The following FBXO15 variants were observed in gnomAD, a reference collection of about 807,000 sequenced individuals.
The protein encoded by FBXO15 is F-box only protein 15.
In FBXO15, 30 loss-of-function variants were observed where a neutral mutation model predicts 49.5. That is an observed-to-expected ratio of 0.61 (90% CI 0.45 to 0.82). The LOEUF (loss-of-function observed/expected upper bound fraction) is 0.82, where lower values mean the gene tolerates loss of function less well. FBXO15 is among the 40% of genes least tolerant of loss of function. FBXO15 has a pLI of 0.00. For synonymous variants in FBXO15, 250 were observed against 232.7 expected (o/e 1.07, Z -0.68); for missense variants, 591 against 631.5 (o/e 0.94, Z 0.69).
chr18:74,135,935 A>G (rs1978690929), intron 2 of FBXO15, 69 bp from the exon 3 acceptor site: 1 of 1,271,706 alleles, frequency 7.9e-7, no homozygotes. Flanking sequence ...GATTACCCAG[A>G]AAACAACTGG....
intron 8 of FBXO15, among the ~76,000 whole-genome samples, chr18:74,105,781 A>G (rs1913730772): frequency 6.6e-6 from 1 of 152,164 alleles, no homozygotes; most frequent in African/African-American, 2.4e-5. Flanking sequence ...TGTGTGAAGC[A>G]TAATAAAACA....
At chr18:74,080,656 C>T (rs1416212820) in intron 9 of FBXO15, among the ~76,000 whole-genome samples, 2 of 152,226 alleles carry the variant, frequency 1.3e-5, no homozygotes, top group Non-Finnish European at 2.9e-5. Flanking sequence ...AGTGCATCTG[C>T]TGCTAAGATG....
chr18:74,088,664 T>G (rs1912863141), intron 8 of FBXO15, among the ~76,000 whole-genome samples: 1 of 152,246 alleles, frequency 6.6e-6, no homozygotes, highest in African/African-American at 2.4e-5. Flanking sequence ...TCTTTTTGCT[T>G]AGGATTGCCT....
intron 8 of FBXO15, among the ~76,000 whole-genome samples, chr18:74,094,263 C>T (rs1913182157): frequency 6.6e-6 from 1 of 152,166 alleles, no homozygotes; most frequent in Non-Finnish European, 1.5e-5. Flanking sequence ...CTCATGAATG[C>T]TTTAGTGCCA....
intron 1 of FBXO15, among the ~76,000 whole-genome samples, chr18:74,144,100 T>C (rs1979255678): frequency 6.6e-6 from 1 of 152,248 alleles, no homozygotes; most frequent in Non-Finnish European, 1.5e-5. Context: ...CAGTATATAC[T>C]ACTAGGTTGG....
rs1339774997 is a variant in FBXO15, at chr18:74,124,665, G to C, written c.913-94C>G. The C allele has an allele frequency of 6.7e-6, 7 of 1,038,130 alleles. No individual in the cohort carries two copies. In the African/African-American group the frequency reaches 9.4e-5, roughly 14 times the overall value. The allele number at this position is 1,038,130 out of a possible 1,614,324, so 64.3% of individuals were successfully genotyped here. On this transcript the variant is annotated intron_variant, in intron 6 of 9. Coordinates refer to ENST00000419743, the MANE Select transcript of FBXO15 (RefSeq NM_001142958.2). ...AAGATCACAGCACATTCATCTTGCA[G>C]ATAGAGGCACTTTCTTACAAACATA...
chr18:74,145,817 C>G (rs1979378305), intron 1 of FBXO15, among the ~76,000 whole-genome samples: 1 of 152,078 alleles, frequency 6.6e-6, no homozygotes, highest in African/African-American at 2.4e-5. Flanking sequence ...CCAGGATGGT[C>G]TCGATCTCCT....
chr18:74,089,497 T>A (rs1912918841), intron 8 of FBXO15, among the ~76,000 whole-genome samples: 1 of 152,182 alleles, frequency 6.6e-6, no homozygotes, highest in African/African-American at 2.4e-5. Context: ...ATCCTTGTCT[T>A]GTTCCAGTTT....
intron 4 of FBXO15, 122 bp downstream of exon 4, chr18:74,130,294 T>C (rs1203314763): frequency 9.0e-6 from 12 of 1,330,506 alleles, no homozygotes; most frequent in South Asian, 1.6e-5. Context: ...ACATATTTTA[T>C]AGATGCACAA....
chr18:74,125,581 C>T (rs1249060053), intron 6 of FBXO15, among the ~76,000 whole-genome samples: 5 of 152,048 alleles, frequency 3.3e-5, no homozygotes, highest in East Asian at 1.9e-4. Flanking sequence ...GGGAGACAAG[C>T]GTGCTGAACA....
rs769282931 is a variant in FBXO15, at chr18:74,130,497, G to C, written c.494C>G (p.Ser165Cys). 2 of 1,614,196 alleles carry C rather than the reference G, an allele frequency of 1.2e-6. No individual in the cohort carries two copies. The highest frequency in any genetic ancestry group is 8.5e-7 in the Non-Finnish European group (1 of 1,180,024). The change falls in exon 4 of 10, where the codon TCT becomes TGT. Residue 165 changes from serine to cysteine, a missense_variant. Ser to Cys is a moderately radical substitution (Grantham distance 112, BLOSUM62 -1). Coordinates refer to ENST00000419743, the MANE Select transcript of FBXO15 (RefSeq NM_001142958.2). ...KKEYITKQIA[S>C]VKAALADILK... ...AATGTCAGCTAGTGCGGCTTTTACA[G>C]ATGCTATTTGTTTTGTGATATATTC...
intron 9 of FBXO15, among the ~76,000 whole-genome samples, chr18:74,079,140 T>C (rs1396409678): frequency 2.0e-5 from 3 of 151,992 alleles, no homozygotes; most frequent in African/African-American, 7.3e-5. Context: ...TAAAATAACA[T>C]CAAAAATGCC....
At position 74,095,141 on chromosome 18, in the gene FBXO15, T is replaced by C. The variant is rs1013200219; in HGVS notation, c.1139-13090A>G. 1.1e-4 allele frequency among the ~76,000 whole-genome samples: 16 copies of C among 152,374 alleles called. No homozygotes were observed. The South Asian group carries it at 2.1e-3, about 20-fold the overall frequency. On this transcript the variant is annotated intron_variant, in intron 8 of 9. Transcript: ENST00000419743. ...ATTAGGTACTGGCTTAAGGGAATATTGTGGCCAGCTGGATCTTCCATTCAA... is the reference window on the plus strand; with the variant it reads ...ATTAGGTACTGGCTTAAGGGAATATCGTGGCCAGCTGGATCTTCCATTCAA...
intron 1 of FBXO15, among the ~76,000 whole-genome samples, chr18:74,145,449 A>C (rs76550112): frequency 0.017 from 2,581 of 152,290 alleles, 65 homozygotes; most frequent in African/African-American, 0.059. Flanking sequence ...CTAGAAGCAA[A>C]GACAGTCTCT....
rs758686868 is a variant in FBXO15 at position 74,130,412 on chromosome 18, GTACC to G, written c.575_575+3del. 6.2e-6 allele frequency: 10 copies of G among 1,613,832 alleles called. No individual in the cohort carries two copies. In the Admixed American group the frequency reaches 6.7e-5, roughly 11 times the overall value. On this transcript the variant is annotated splice_donor_variant and splice_donor_region_variant and coding_sequence_variant and intron_variant, in exon 4 of 10. Coordinates refer to ENST00000419743, the MANE Select transcript of FBXO15 (RefSeq NM_001142958.2). LOFTEE classifies it high-confidence loss of function. ...ATCATTCTCTTTTGGAACACACTGC[GTACC>G]TGAGGGCCTCTTTGGTCTTAACTGG...
chr18:74,102,746 T>C (rs759681353), intron 8 of FBXO15, among the ~76,000 whole-genome samples: 1 of 152,150 alleles, frequency 6.6e-6, no homozygotes, highest in Non-Finnish European at 1.5e-5. Context: ...AACTGTGGTG[T>C]ATATGTATAC....
chr18:74,095,668 T>G lies in FBXO15; in HGVS notation c.1139-13617A>C, dbSNP rs1243312668. On this transcript the variant is annotated intron_variant, in intron 8 of 9. Coordinates refer to ENST00000419743, the MANE Select transcript of FBXO15 (RefSeq NM_001142958.2). ...ATATAATAATAATAATGAAAAAGTTTAAAACATTGGGAATTACCAACATGT... is the reference window on the plus strand; with the variant it reads ...ATATAATAATAATAATGAAAAAGTTGAAAACATTGGGAATTACCAACATGT... Among the ~76,000 whole-genome samples, 5 of 152,274 alleles carry G rather than the reference T, an allele frequency of 3.3e-5. No homozygotes were observed. In the East Asian group the frequency reaches 9.6e-4, roughly 29 times the overall value.
intron 8 of FBXO15, among the ~76,000 whole-genome samples, chr18:74,085,292 A>C (rs1315088900): frequency 2.0e-5 from 3 of 152,148 alleles, no homozygotes; most frequent in African/African-American, 7.2e-5. Context: ...GTGTGGGATT[A>C]TTTATAAAGA....
At chr18:74,120,852 T>C (rs1914436373) in intron 8 of FBXO15, among the ~76,000 whole-genome samples, 1 of 148,484 alleles carries the variant, frequency 6.7e-6, no homozygotes, top group African/African-American at 2.5e-5. Context: ...AACAAAATAA[T>C]ACAGAAAAAA....
Sources: gnomAD v4.1 joint callset for allele counts (sites outside exome capture counted in the v4.1 genomes callset) on GRCh38, gnomAD v4.1.1 for gene constraint, MANE v1.5 for transcripts, NCBI Gene and HGNC (gene_info 2026-07-23, HGNC 2026-07-21) for gene names.